Variants in ULK4 observed in about 807,000 individuals in gnomAD.
ULK4 encodes the protein unc-51 like kinase 4, also known as inactive serine/threonine-protein kinase ULK4.
Under a neutral mutation model 160.6 loss-of-function variants are expected in ULK4, and 133 were observed. The ratio of observed to expected loss-of-function variants is 0.83; its 90% CI spans 0.72 to 0.96. The LOEUF (loss-of-function observed/expected upper bound fraction) is 0.96. ULK4 is among the 40% of genes least tolerant of loss of function. The pLI, the probability that ULK4 is intolerant of heterozygous loss-of-function variation, is 0.00. For synonymous variants in ULK4, 534 were observed against 539.8 expected (o/e 0.99, Z 0.15); for missense variants, 1,580 against 1,499.5 (o/e 1.05, Z -0.89).
At chr3:41,911,083 T>TA (rs1391055730) in intron 11 of ULK4, among the ~76,000 whole-genome samples, 4 of 152,134 alleles carry the variant, frequency 2.6e-5, no homozygotes, top group Non-Finnish European at 5.9e-5. Context: ...GTTGCTTTGG[T>TA]AAAAAAATAA....
chr3:41,527,686 T>C (rs937498167), intron 32 of ULK4, among the ~76,000 whole-genome samples: 2 of 152,208 alleles, frequency 1.3e-5, no homozygotes, highest in Non-Finnish European at 2.9e-5. Context: ...CTATCTACTA[T>C]TTCATTGTAT....
At chr3:41,748,940 C>T (rs950513414) in intron 22 of ULK4, among the ~76,000 whole-genome samples, 3 of 152,142 alleles carry the variant, frequency 2.0e-5, no homozygotes, top group Non-Finnish European at 4.4e-5. Flanking sequence ...TGGTGGTTGG[C>T]AGAATGCTAA....
intron 22 of ULK4, among the ~76,000 whole-genome samples, chr3:41,719,134 G>T (rs895532193): frequency 2.0e-5 from 3 of 152,100 alleles, no homozygotes; most frequent in Non-Finnish European, 2.9e-5. Flanking sequence ...CACTCCTGCC[G>T]TTCCTCTATC....
chr3:41,714,653 A>C (rs1033016609), intron 25 of ULK4, among the ~76,000 whole-genome samples: 1 of 152,154 alleles, frequency 6.6e-6, no homozygotes, highest in African/African-American at 2.4e-5. Flanking sequence ...AGATAATGCA[A>C]TAACTTTTCA....
At chr3:41,318,497 G>C (rs1263349651) in intron 35 of ULK4, among the ~76,000 whole-genome samples, 1 of 152,154 alleles carries the variant, frequency 6.6e-6, no homozygotes, top group African/African-American at 2.4e-5. Context: ...TTAGTACTGA[G>C]AGTCAAAATA....
chr3:41,577,916 C>A (rs1261147365), intron 31 of ULK4, among the ~76,000 whole-genome samples: 1 of 152,188 alleles, frequency 6.6e-6, no homozygotes, highest in Non-Finnish European at 1.5e-5. Flanking sequence ...TTTGCCCACA[C>A]TGGAGTAACA....
intron 35 of ULK4, among the ~76,000 whole-genome samples, chr3:41,361,840 G>A (rs2081151643): frequency 6.6e-6 from 1 of 152,170 alleles, no homozygotes; most frequent in African/African-American, 2.4e-5. Flanking sequence ...TGTTTCTAGG[G>A]AAGTCAGCTG....
At chr3:41,959,499 T>C (rs1013976153) in intron 1 of ULK4, among the ~76,000 whole-genome samples, 1 of 152,076 alleles carries the variant, frequency 6.6e-6, no homozygotes, top group Non-Finnish European at 1.5e-5. Flanking sequence ...CACTCCAGCC[T>C]GGGTGACAAG....
At chr3:41,743,487 G>A (rs925272206) in intron 22 of ULK4, among the ~76,000 whole-genome samples, 1 of 151,692 alleles carries the variant, frequency 6.6e-6, no homozygotes, top group Non-Finnish European at 1.5e-5. Context: ...CTAAAGAAGT[G>A]ATAATAGAAG....
Position 41,789,678 on chromosome 3 carries a change from T to G in ULK4, c.2176A>C (p.Arg726=), listed in dbSNP as rs1053320593. The G allele has an allele frequency of 1.9e-6, 3 of 1,584,044 alleles. No individual in the cohort carries two copies. The highest frequency in any genetic ancestry group is 2.7e-5 in the African/African-American group (2 of 73,230). The change falls in exon 21 of 37, where the codon AGA becomes CGA. Residue 726 remains arginine, a synonymous_variant. Transcript: ENST00000301831. ...AGTCAAACCTTTTCTTGGATTAGTC[T>G]TTGAAGATGAATCCCACAGGACAAC... The part of the protein sequence containing the change: ...AMLSCGIHLQ[R]LIQEKGFVST...
chr3:41,804,145 C>T (rs1387999946), intron 19 of ULK4, among the ~76,000 whole-genome samples: 14 of 151,760 alleles, frequency 9.2e-5, no homozygotes, highest in African/African-American at 3.4e-4. Context: ...TCTCCAGCAC[C>T]TGTTGTTTCC....
chr3:41,880,518 T>C (rs1697478798), intron 17 of ULK4, among the ~76,000 whole-genome samples: 1 of 152,246 alleles, frequency 6.6e-6, no homozygotes. Context: ...GACATTCTTT[T>C]AATCATTCAT....
At chr3:41,809,159 C>G (rs1225662997) in intron 19 of ULK4, among the ~76,000 whole-genome samples, 1 of 144,564 alleles carries the variant, frequency 6.9e-6, no homozygotes, top group Non-Finnish European at 1.5e-5. Context: ...GAGCAAGACT[C>G]CGTCTCAAAA....
intron 27 of ULK4, among the ~76,000 whole-genome samples, chr3:41,692,214 G>C (rs2036329251): frequency 6.7e-6 from 1 of 148,976 alleles, no homozygotes; most frequent in African/African-American, 2.4e-5. Context: ...GCCTCCCAAA[G>C]TGCTGGGATT....
chr3:41,918,595 C>CTTTTTTTTTTTTTTTTTTTTTTTTT (rs36064862), intron 6 of ULK4, 55 bp from the exon 7 acceptor site: 1 of 206,734 alleles, frequency 4.8e-6, no homozygotes, highest in Non-Finnish European at 7.6e-6. Context: ...ACCAATAATT[C>CTTTTTTTTTTTTTTTTTTTTTTTTT]TTTTTTTTTT....
At chr3:41,831,531 A>ATATATATATATTTTTTTTTTTTTTTT in intron 18 of ULK4, among the ~76,000 whole-genome samples, 1 of 138,066 alleles carries the variant, frequency 7.2e-6, no homozygotes, top group East Asian at 2.1e-4. Flanking sequence ...ATATATATAT[A>ATATATATATATTTTTTTTTTTTTTTT]TTTTTTTTTC....
At chr3:41,654,484 AT>A (rs1229577855) in intron 30 of ULK4, among the ~76,000 whole-genome samples, 1 of 152,234 alleles carries the variant, frequency 6.6e-6, no homozygotes, top group African/African-American at 2.4e-5. Context: ...AAAGCCAACA[AT>A]TAGGACAATT....
At chr3:41,430,438 G>A (rs1041893700) in intron 34 of ULK4, among the ~76,000 whole-genome samples, 13 of 152,176 alleles carry the variant, frequency 8.5e-5, no homozygotes, top group African/African-American at 2.9e-4. Flanking sequence ...TGCCTTTACT[G>A]TGAGCTCTGC....
intron 27 of ULK4, among the ~76,000 whole-genome samples, chr3:41,698,058 G>A (rs1030457487): frequency 1.3e-5 from 2 of 152,176 alleles, no homozygotes; most frequent in African/African-American, 4.8e-5. Context: ...GTAACATGCT[G>A]TACAGGTTTG....
Sources: gnomAD v4.1 joint callset for allele counts (sites outside exome capture counted in the v4.1 genomes callset) on GRCh38, gnomAD v4.1.1 for gene constraint, MANE v1.5 for transcripts, NCBI Gene and HGNC (gene_info 2026-07-23, HGNC 2026-07-21) for gene names.